The following PCLO variants were observed in gnomAD, a reference collection of about 807,000 sequenced individuals.
PCLO encodes the protein piccolo presynaptic cytomatrix protein, also known as protein piccolo.
PCLO carries 82 observed loss-of-function variants against 427.5 expected under a neutral mutation model. The observed-to-expected ratio is 0.19, with a 90% confidence interval of 0.16 to 0.23. PCLO has a LOEUF of 0.23. Among genes scored for constraint, PCLO ranks in the 10% least tolerant of loss-of-function variants. The probability of loss-of-function intolerance (pLI) is 1.00; values close to 1 mark genes in which losing one functional copy is unlikely to be tolerated. For missense variants in PCLO, 6,239 were observed against 6,115.9 expected (o/e 1.02, Z -0.67); for synonymous variants, 2,357 against 2,155.4 (o/e 1.09, Z -2.59).
At chr7:83,123,058 C>T (rs1311394939) in intron 3 of PCLO, among the ~76,000 whole-genome samples, 1 of 151,998 alleles carries the variant, frequency 6.6e-6, no homozygotes. Context: ...CCATACTACC[C>T]AAAGCAATCT....
At chr7:82,988,478 T>A (rs1796303349) in intron 3 of PCLO, among the ~76,000 whole-genome samples, 1 of 152,214 alleles carries the variant, frequency 6.6e-6, no homozygotes. Flanking sequence ...TAATACTCAT[T>A]CACTCTATCA....
At position 82,862,925 on chromosome 7, in the gene PCLO, T is replaced by A. The variant is rs181198847; in HGVS notation, c.13655-15678A>T. Among the ~76,000 whole-genome samples the A allele has an allele frequency of 3.9e-3, 586 of 152,014 alleles. 3 individuals are homozygous for A. The highest frequency in any genetic ancestry group is 7.0e-3 in the Non-Finnish European group (474 of 67,842). ...TACAAAAAATAGAATAAATAAGACC[T>A]GCTATTCGATGGCACAATAGTGTGA... is the stretch of plus-strand genomic sequence containing the variant. On this transcript the variant is annotated intron_variant, in intron 10 of 24. Transcript: ENST00000333891.
intron 6 of PCLO, among the ~76,000 whole-genome samples, chr7:82,919,778 T>C (rs1245460298): frequency 2.0e-5 from 3 of 151,976 alleles, no homozygotes; most frequent in African/African-American, 4.8e-5. Context: ...TGATCATCCA[T>C]GAATTTTCCT....
In PCLO at chr7:83,132,894, G is replaced by GT. The variant is rs955018180; in HGVS notation, c.3300+1355dup. Among the ~76,000 whole-genome samples the GT allele has an allele frequency of 5.9e-5, 9 of 151,366 alleles. No individual in the cohort carries two copies. The South Asian group carries it at 1.3e-3, about 21-fold the overall frequency. On this transcript the variant is annotated intron_variant, in intron 3 of 24. Coordinates refer to ENST00000333891, the MANE Select transcript of PCLO (RefSeq NM_033026.6). ...AACCAAAAACTGCTCTTCTAAAAGT[G>GT]TTTTTTTTAAGGTTTGTTTTTGGTT...
chr7:82,929,733 G>T (rs1038223247), intron 6 of PCLO, among the ~76,000 whole-genome samples: 10 of 152,072 alleles, frequency 6.6e-5, no homozygotes, highest in African/African-American at 9.7e-5. Context: ...TTTCTAGGAA[G>T]TATGTTCAAA....
chr7:82,840,945 T>C (rs1792351112), intron 14 of PCLO, among the ~76,000 whole-genome samples: 1 of 151,684 alleles, frequency 6.6e-6, no homozygotes, highest in South Asian at 2.1e-4. Flanking sequence ...AAGATGATTA[T>C]CTTTTTATTT....
intron 3 of PCLO, among the ~76,000 whole-genome samples, chr7:82,999,292 T>A (rs1787716902): frequency 7.0e-6 from 1 of 142,520 alleles, no homozygotes; most frequent in South Asian, 2.1e-4. Context: ...TATGGATATA[T>A]AATATTATAT....
chr7:82,990,828 A>G (rs572429868), intron 3 of PCLO, among the ~76,000 whole-genome samples: 5 of 152,278 alleles, frequency 3.3e-5, no homozygotes, highest in African/African-American at 1.2e-4. Context: ...AAACATTATT[A>G]GAAAAACATC....
At chr7:82,917,961 TTTTA>T (rs1423539747) in intron 6 of PCLO, among the ~76,000 whole-genome samples, 19 of 152,122 alleles carry the variant, frequency 1.2e-4, no homozygotes, top group South Asian at 6.2e-4. Flanking sequence ...CCTTAATAAT[TTTTA>T]TTTGTTTTCT....
intron 3 of PCLO, among the ~76,000 whole-genome samples, chr7:83,082,900 T>TA (rs1260321079): frequency 6.6e-6 from 1 of 151,550 alleles, no homozygotes; most frequent in African/African-American, 2.4e-5. Flanking sequence ...AAACTACAAT[T>TA]AAAAAAACTC....
chr7:82,775,332 T>C (rs142778518), intron 22 of PCLO, among the ~76,000 whole-genome samples: 1 of 152,202 alleles, frequency 6.6e-6, no homozygotes, highest in African/African-American at 2.4e-5. Context: ...CCAAAGTGGC[T>C]GTACCATTTT....
intron 6 of PCLO, among the ~76,000 whole-genome samples, chr7:82,920,326 G>GA (rs1395666729): frequency 1.3e-5 from 2 of 151,576 alleles, no homozygotes; most frequent in African/African-American, 2.4e-5. Context: ...AGACAGTCTA[G>GA]AAAAAAACTT....
At chr7:82,930,549 C>A (rs1794817251) in intron 6 of PCLO, among the ~76,000 whole-genome samples, 1 of 152,022 alleles carries the variant, frequency 6.6e-6, no homozygotes, top group African/African-American at 2.4e-5. Flanking sequence ...GTTAGCATAA[C>A]ACAAAAATAC....
intron 4 of PCLO, among the ~76,000 whole-genome samples, chr7:82,961,573 G>C (rs1305333649): frequency 6.6e-6 from 1 of 152,186 alleles, no homozygotes; most frequent in Non-Finnish European, 1.5e-5. Flanking sequence ...AATACAATGA[G>C]AAGACACTAG....
chr7:82,914,443 A>G, intron 7 of PCLO: 1 of 592,254 alleles, frequency 1.7e-6, no homozygotes. Flanking sequence ...GACACCAAAC[A>G]AATCAAGCAA....
chr7:83,154,665 CAT>C (rs1306888759), intron 2 of PCLO, 81 bp downstream of exon 2: 2 of 1,001,108 alleles, frequency 2.0e-6, no homozygotes, highest in African/African-American at 1.6e-5. Context: ...GCCATCATGT[CAT>C]ATATGTGTTT....
At chr7:83,076,761 T>C (rs1789965123) in intron 3 of PCLO, among the ~76,000 whole-genome samples, 1 of 151,652 alleles carries the variant, frequency 6.6e-6, no homozygotes, top group African/African-American at 2.4e-5. Context: ...ATCTCTCTAA[T>C]CTTTCTAATC....
At position 82,850,250 on chromosome 7, in the gene PCLO, C is replaced by G. The variant is rs1269771943; in HGVS notation, c.13655-3003G>C. Among the ~76,000 whole-genome samples, 3 of 152,184 alleles carry G rather than the reference C, an allele frequency of 2.0e-5. No homozygotes were observed. In the South Asian group the frequency reaches 6.2e-4, roughly 32 times the overall value. The stretch of plus-strand genomic sequence containing the variant: ...TCTTGAACTCCTGACCTCAAGTGAT[C>G]CACTGACCTCAGCCTCCCAAAGTGC... On this transcript the variant is annotated intron_variant, in intron 10 of 24. Coordinates refer to ENST00000333891, the MANE Select transcript of PCLO (RefSeq NM_033026.6).
intron 3 of PCLO, among the ~76,000 whole-genome samples, chr7:83,027,668 G>C (rs1418563356): frequency 7.1e-6 from 1 of 139,982 alleles, no homozygotes; most frequent in African/African-American, 2.6e-5. Context: ...GAGAATTTTA[G>C]ACCAATATCC....
Sources: allele counts gnomAD v4.1 joint callset (sites outside exome capture counted in the v4.1 genomes callset), GRCh38; gene constraint gnomAD v4.1.1; transcripts MANE v1.5; gene names NCBI Gene and HGNC (gene_info 2026-07-23, HGNC 2026-07-21).